Variants in BCAS4 observed in about 807,000 individuals in gnomAD.
BCAS4 encodes the protein breast carcinoma-amplified sequence 4.
BCAS4 carries 9 observed loss-of-function variants against 15.7 expected under a neutral mutation model. That is an observed-to-expected ratio of 0.57 (90% confidence interval 0.34 to 1.00). The LOEUF (loss-of-function observed/expected upper bound fraction) is 1.00, where lower values mean the gene tolerates loss of function less well. Among genes scored for constraint, BCAS4 ranks in the 50% least tolerant of loss-of-function variants. The probability of loss-of-function intolerance (pLI) is 0.02; values close to 1 mark genes in which losing one functional copy is unlikely to be tolerated. For missense variants in BCAS4, 225 were observed against 239.1 expected (o/e 0.94, Z 0.39); for synonymous variants, 101 against 99.5 (o/e 1.02, Z -0.09).
At chr20:50,833,129 G>C (rs2088364242) in intron 3 of BCAS4, 1 of 152,540 alleles carries the variant, frequency 6.6e-6, no homozygotes, top group South Asian at 2.1e-4. Flanking sequence ...AACCGTGTTA[G>C]GTGGGTGCAG....
At chr20:50,812,660 G>A (rs1374872634) in intron 1 of BCAS4, among the ~76,000 whole-genome samples, 3 of 150,858 alleles carry the variant, frequency 2.0e-5, no homozygotes, top group Admixed American at 6.6e-5. Context: ...GGCTGGTCTC[G>A]AACTCCTGAC....
At chr20:50,805,909 A>G (rs2087983727) in intron 1 of BCAS4, among the ~76,000 whole-genome samples, 1 of 151,458 alleles carries the variant, frequency 6.6e-6, no homozygotes, top group Non-Finnish European at 1.5e-5. Flanking sequence ...CCTGGGAGGC[A>G]GTGATTGCAG....
At chr20:50,808,245 T>C (rs2088019454) in intron 1 of BCAS4, among the ~76,000 whole-genome samples, 1 of 152,232 alleles carries the variant, frequency 6.6e-6, no homozygotes, top group South Asian at 2.1e-4. Flanking sequence ...TGTTGATTGA[T>C]AGGCATTTGG....
Position 50,851,269 on chromosome 20 carries a change from A to T in BCAS4, c.399+9369A>T, listed in dbSNP as rs1473978903. ...TGCTGCCCCCATCAGCCCTTGCAGTAAAAATGCAGCAGGAGCAGATAGCAA... is the reference window on the plus strand; with the variant it reads ...TGCTGCCCCCATCAGCCCTTGCAGTTAAAATGCAGCAGGAGCAGATAGCAA... On this transcript the variant is annotated intron_variant, in intron 4 of 4. Coordinates refer to ENST00000371608, the MANE Select transcript of BCAS4 (RefSeq NM_198799.4). This position sits in a 1 kb window ranked among gnomAD's most constrained non-coding sequence, Gnocchi z 4.3. Among the ~76,000 whole-genome samples the T allele has an allele frequency of 6.6e-6, 1 of 152,168 alleles. No homozygotes were observed. Among genetic ancestry groups the T allele is most frequent in the Non-Finnish European group, 1.5e-5 (1 of 68,042 alleles).
At chr20:50,858,571 C>T (rs141359065) in intron 4 of BCAS4, among the ~76,000 whole-genome samples, 2,291 of 152,178 alleles carry the variant, frequency 0.015, 45 homozygotes, top group African/African-American at 0.053. Context: ...CATTGTGCTC[C>T]AGCCTGGGTG....
chr20:50,859,067 C>T lies in BCAS4; in HGVS notation c.399+17167C>T, dbSNP rs1978928847. Reference sequence around the variant, plus strand: ...TCCCACCTCAGCCCCCCGCAAGTAGCTGAGAGACTACAGGTGTGCCACCAT... The same window carrying T: ...TCCCACCTCAGCCCCCCGCAAGTAGTTGAGAGACTACAGGTGTGCCACCAT... On this transcript the variant is annotated intron_variant, in intron 4 of 4. Transcript: ENST00000371608. Among the ~76,000 whole-genome samples, 3 of 152,022 alleles carry T rather than the reference C, an allele frequency of 2.0e-5. No homozygotes were observed. In the South Asian group the frequency reaches 6.2e-4, roughly 32 times the overall value.
chr20:50,846,433 T>C (rs1486012062), intron 4 of BCAS4, among the ~76,000 whole-genome samples: 1 of 152,018 alleles, frequency 6.6e-6, no homozygotes, highest in African/African-American at 2.4e-5. Context: ...GGGAACTACA[T>C]AGGGAGACCA....
chr20:50,830,899 T>C (rs1041601187), intron 3 of BCAS4, among the ~76,000 whole-genome samples: 3 of 152,094 alleles, frequency 2.0e-5, no homozygotes, highest in African/African-American at 7.2e-5. Context: ...CAGGGTACTT[T>C]ATATAAAAAT....
intron 2 of BCAS4, among the ~76,000 whole-genome samples, chr20:50,828,365 A>G (rs1467631670): frequency 1.3e-5 from 2 of 152,174 alleles, no homozygotes; most frequent in Non-Finnish European, 1.5e-5. Flanking sequence ...ACCGAGGGCA[A>G]GGGGGAAATG....
At chr20:50,850,942 G>A (rs2123820472) in intron 4 of BCAS4, among the ~76,000 whole-genome samples, 1 of 152,334 alleles carries the variant, frequency 6.6e-6, no homozygotes, top group African/African-American at 2.4e-5. Flanking sequence ...ATGAGGCCAT[G>A]GGCGGAGCTG....
rs1555805148 is a variant in BCAS4 at position 50,853,681 on chromosome 20, GGGGGGTGTTTTGTGTACT to G, written c.399+11805_399+11822del. ...TGCTGTGGGGACCATTTTGTGTACT[GGGGGGTGTTTTGTGTACT>G]GGGGGTGTTTTGTGTACTGGGGGGT... On this transcript the variant is annotated intron_variant, in intron 4 of 4. Transcript: ENST00000371608. Among the ~76,000 whole-genome samples, 7 of 114,214 alleles carry G rather than the reference GGGGGGTGTTTTGTGTACT, an allele frequency of 6.1e-5. 1 individual carries two copies. Among genetic ancestry groups the G allele is most frequent in the African/African-American group, 1.8e-4 (5 of 28,544 alleles). 74.9% of individuals were successfully genotyped at this position (114,214 alleles called of 152,430 possible).
intron 4 of BCAS4, among the ~76,000 whole-genome samples, chr20:50,859,861 C>T (rs78504022): frequency 0.037 from 5,677 of 152,216 alleles, 122 homozygotes; most frequent in Middle Eastern, 0.044. Flanking sequence ...ATGGAGAGGC[C>T]GGACGCGGTG....
chr20:50,837,656 C>T (rs760266315), intron 3 of BCAS4, among the ~76,000 whole-genome samples: 6 of 152,196 alleles, frequency 3.9e-5, no homozygotes, highest in African/African-American at 7.2e-5. Context: ...TGGACGTGTG[C>T]GTCTCCTCTC....
At chr20:50,816,791 ATTTTTTTTT>A (rs35600563) in intron 1 of BCAS4, among the ~76,000 whole-genome samples, 4 of 80,924 alleles carry the variant, frequency 4.9e-5, no homozygotes, top group South Asian at 8.8e-4. Flanking sequence ...TGCCTGGCTA[ATTTTTTTTT>A]TTTTTTTTTT....
intron 4 of BCAS4, among the ~76,000 whole-genome samples, chr20:50,857,486 G>C (rs1978827299): frequency 6.6e-6 from 1 of 152,200 alleles, no homozygotes; most frequent in South Asian, 2.1e-4. Context: ...TATGAGGTAG[G>C]AGCAATTATT....
intron 4 of BCAS4, among the ~76,000 whole-genome samples, chr20:50,862,223 C>G (rs6067576): frequency 0.33 from 50,553 of 151,694 alleles, 9,359 homozygotes; most frequent in African/African-American, 0.5. Context: ...TGTTTCCGCT[C>G]TCTGGATTCT....
At chr20:50,797,659 A>C (rs569668365) in intron 1 of BCAS4, among the ~76,000 whole-genome samples, 1 of 152,274 alleles carries the variant, frequency 6.6e-6, no homozygotes, top group Non-Finnish European at 1.5e-5. Flanking sequence ...AATGTGAGCT[A>C]CCTATGCAAT....
chr20:50,843,980 C>A (rs1212565993), intron 4 of BCAS4, among the ~76,000 whole-genome samples: 1 of 152,008 alleles, frequency 6.6e-6, no homozygotes, highest in Non-Finnish European at 1.5e-5. Context: ...CCCATTTATA[C>A]AAAAAATAGA....
downstream of BCAS4, chr20:50,879,867 G>C (rs1980083675): frequency 6.5e-6 from 1 of 152,868 alleles, no homozygotes; most frequent in Non-Finnish European, 1.5e-5. Flanking sequence ...CATGAGGATG[G>C]CTCTGGTCTG....
Sources: gnomAD v4.1 joint callset for allele counts (sites outside exome capture counted in the v4.1 genomes callset) on GRCh38, gnomAD v4.1.1 for gene constraint, Gnocchi (gnomAD v3.1) non-coding constraint, MANE v1.5 for transcripts, NCBI Gene and HGNC (gene_info 2026-07-23, HGNC 2026-07-21) for gene names.